The following CNTNAP2 variants were observed in gnomAD, a reference collection of about 807,000 sequenced individuals.
CNTNAP2 encodes the protein contactin-associated protein-like 2.
Under a neutral mutation model 155.2 loss-of-function variants are expected in CNTNAP2, and 98 were observed. The observed-to-expected ratio is 0.63, with a 90% CI of 0.54 to 0.75. The LOEUF (loss-of-function observed/expected upper bound fraction) is 0.75. Among genes scored for constraint, CNTNAP2 ranks in the 30% least tolerant of loss-of-function variants. The probability of loss-of-function intolerance (pLI) is 0.00; values close to 1 mark genes in which losing one functional copy is unlikely to be tolerated. For synonymous variants in CNTNAP2, 651 were observed against 631.2 expected (o/e 1.03, Z -0.47); for missense variants, 1,727 against 1,688.1 (o/e 1.02, Z -0.40).
chr7:147,115,352 T>G (rs1800964297), intron 5 of CNTNAP2, among the ~76,000 whole-genome samples: 1 of 152,246 alleles, frequency 6.6e-6, no homozygotes, highest in Non-Finnish European at 1.5e-5. Context: ...TTCCTGAATT[T>G]GAATGTTGGC....
chr7:147,045,855 T>TAC (rs896659126), intron 4 of CNTNAP2, among the ~76,000 whole-genome samples: 6 of 151,494 alleles, frequency 4.0e-5, no homozygotes, highest in African/African-American at 1.2e-4. Flanking sequence ...CACATATACA[T>TAC]ACACACACAC....
intron 11 of CNTNAP2, among the ~76,000 whole-genome samples, chr7:147,540,170 T>C (rs1356977752): frequency 2.0e-5 from 3 of 152,350 alleles, no homozygotes; most frequent in East Asian, 3.9e-4. Context: ...TGGTCCCTGA[T>C]TGTCTGCAGT....
intron 15 of CNTNAP2, among the ~76,000 whole-genome samples, chr7:148,112,443 T>C (rs1216898553): frequency 1.4e-5 from 2 of 147,940 alleles, no homozygotes; most frequent in Non-Finnish European, 3.0e-5. Context: ...TTATTATTAT[T>C]ATAGTGTCTT....
chr7:147,448,635 C>A (rs1025877402), intron 10 of CNTNAP2, among the ~76,000 whole-genome samples: 1 of 151,476 alleles, frequency 6.6e-6, no homozygotes, highest in Non-Finnish European at 1.5e-5. Flanking sequence ...AAAAAGTGTT[C>A]TAATAATAGA....
At chr7:146,852,555 G>A (rs1184005060) in intron 3 of CNTNAP2, among the ~76,000 whole-genome samples, 2 of 152,046 alleles carry the variant, frequency 1.3e-5, no homozygotes, top group East Asian at 3.9e-4. Context: ...TCTGCACTAG[G>A]CACCATTTAA....
At chr7:146,863,823 A>G (rs1795150827) in intron 3 of CNTNAP2, among the ~76,000 whole-genome samples, 1 of 152,146 alleles carries the variant, frequency 6.6e-6, no homozygotes, top group Non-Finnish European at 1.5e-5. Flanking sequence ...AAAAAGTGTT[A>G]GTTGCTATTA....
intron 1 of CNTNAP2, among the ~76,000 whole-genome samples, chr7:146,185,328 G>C (rs2116842783): frequency 6.6e-6 from 1 of 152,194 alleles, no homozygotes; most frequent in African/African-American, 2.4e-5. Flanking sequence ...ACTAAATCAG[G>C]CCACCCACCT....
At chr7:147,316,525 AGT>A (rs1795236295) in intron 9 of CNTNAP2, among the ~76,000 whole-genome samples, 1 of 152,190 alleles carries the variant, frequency 6.6e-6, no homozygotes, top group Non-Finnish European at 1.5e-5. Flanking sequence ...TATTAAAAGG[AGT>A]GTTAAGATTT....
chr7:147,762,412 G>A (rs961756572), intron 13 of CNTNAP2, among the ~76,000 whole-genome samples: 46 of 152,114 alleles, frequency 3.0e-4, no homozygotes, highest in African/African-American at 1.1e-3. Context: ...TTATGAGTTT[G>A]CTGAAAGGCA....
At chr7:146,912,626 C>T (rs902663116) in intron 3 of CNTNAP2, among the ~76,000 whole-genome samples, 2 of 152,074 alleles carry the variant, frequency 1.3e-5, no homozygotes, top group African/African-American at 4.8e-5. Flanking sequence ...CTTTAAACCT[C>T]AAGAAAGAGT....
intron 12 of CNTNAP2, among the ~76,000 whole-genome samples, chr7:147,593,246 G>A (rs1396870237): frequency 7.0e-6 from 1 of 143,264 alleles, no homozygotes; most frequent in Admixed American, 7.1e-5. Context: ...TTATCCCTTT[G>A]GCCAAATAGT....
chr7:147,654,963 C>A (rs949784910), intron 13 of CNTNAP2, among the ~76,000 whole-genome samples: 1 of 150,632 alleles, frequency 6.6e-6, no homozygotes, highest in Non-Finnish European at 1.5e-5. Flanking sequence ...ATTACAGGTG[C>A]CCGTCACCAT....
Position 146,524,378 on chromosome 7 carries a change from A to AT in CNTNAP2, c.98-249884dup, listed in dbSNP as rs1015510336. 4.6e-4 allele frequency among the ~76,000 whole-genome samples: 70 copies of AT among 150,802 alleles called. No individual in the cohort carries two copies. The Middle Eastern group carries it at 0.014, about 29-fold the overall frequency. The stretch of plus-strand genomic sequence containing the variant: ...GTAGAAATCATAATGACCATATTTC[A>AT]TTTTTTTTTCTATGTCTGTGCCCTT... On this transcript the variant is annotated intron_variant, in intron 1 of 23. Transcript: ENST00000361727.
chr7:148,105,348 A>C (rs1335873128), intron 15 of CNTNAP2, among the ~76,000 whole-genome samples: 3 of 152,168 alleles, frequency 2.0e-5, no homozygotes, highest in Admixed American at 6.5e-5. Context: ...AAACAGTGCA[A>C]ATAAAGCTGG....
intron 15 of CNTNAP2, among the ~76,000 whole-genome samples, chr7:148,095,318 G>A (rs1000464178): frequency 2.6e-5 from 4 of 152,212 alleles, no homozygotes; most frequent in Non-Finnish European, 4.4e-5. Flanking sequence ...TCAGGAGCGA[G>A]GATTCCTTGG....
intron 12 of CNTNAP2, among the ~76,000 whole-genome samples, chr7:147,585,757 CTGTT>C (rs59749355): frequency 0.036 from 5,116 of 143,232 alleles, 299 homozygotes; most frequent in African/African-American, 0.13. Flanking sequence ...GTGTGTGTGT[CTGTT>C]TGTGTGTATA....
chr7:147,737,825 G>A (rs561143001), intron 13 of CNTNAP2, among the ~76,000 whole-genome samples: 5 of 152,306 alleles, frequency 3.3e-5, no homozygotes, highest in East Asian at 3.9e-4. Context: ...AGCCAGGTGC[G>A]GGATGTAATC....
chr7:147,593,742 G>C (rs1210764104), intron 12 of CNTNAP2, among the ~76,000 whole-genome samples: 2 of 152,160 alleles, frequency 1.3e-5, no homozygotes, highest in Non-Finnish European at 2.9e-5. Flanking sequence ...CAAGATTTAA[G>C]AGCTTTTGAA....
At chr7:147,541,644 G>A (rs772529668) in intron 11 of CNTNAP2, among the ~76,000 whole-genome samples, 1 of 152,126 alleles carries the variant, frequency 6.6e-6, no homozygotes, top group Non-Finnish European at 1.5e-5. Flanking sequence ...ACCCTGTAAG[G>A]TAAGGTTGAG....
Sources: allele counts gnomAD v4.1 joint callset (sites outside exome capture counted in the v4.1 genomes callset), GRCh38; gene constraint gnomAD v4.1.1; transcripts MANE v1.5; gene names NCBI Gene and HGNC (gene_info 2026-07-23, HGNC 2026-07-21).